ZNF680: variants seen among roughly 807,000 people sequenced by gnomAD.
The protein encoded by ZNF680 is zinc finger protein 680, also known as hypothetical protein FLJ90430.
Under a neutral mutation model 12.1 loss-of-function variants are expected in ZNF680, and 6 were observed. That is an observed-to-expected ratio of 0.49 (90% CI 0.27 to 0.98). The LOEUF (loss-of-function observed/expected upper bound fraction) is 0.98, where lower values mean the gene tolerates loss of function less well. Among genes scored for constraint, ZNF680 ranks in the 50% least tolerant of loss-of-function variants. The pLI is 0.12. For synonymous variants in ZNF680, 170 were observed against 199.3 expected (o/e 0.85, Z 1.24); for missense variants, 561 against 616.3 (o/e 0.91, Z 0.95).
rs751208780 is a variant in ZNF680, at chr7:64,521,567, T to C, written c.1187A>G (p.His396Arg). 2 of 1,613,008 alleles carry C rather than the reference T, an allele frequency of 1.2e-6. No homozygotes were observed. Among genetic ancestry groups the C allele is most frequent in the Non-Finnish European group, 1.7e-6 (2 of 1,179,780 alleles). The change falls in exon 4 of 4, where the codon CAT (histidine) becomes CGT (arginine). Residue 396 changes from histidine to arginine, a missense_variant. By Grantham distance (29) the His-to-Arg change is conservative. Coordinates refer to ENST00000309683, the MANE Select transcript of ZNF680 (RefSeq NM_178558.5). ...AFIQSSNLTEHMRIHTGEKPY... is the reference protein window; with the variant it reads ...AFIQSSNLTERMRIHTGEKPY... ...TTTCTCTCCAGTATGAATTCTCATA[T>C]GTTCAGTAAGGTTTGAGGACTGTAT...
At chr7:64,557,414 G>A (rs1015592984) in intron 1 of ZNF680, among the ~76,000 whole-genome samples, 4 of 151,396 alleles carry the variant, frequency 2.6e-5, no homozygotes, top group African/African-American at 7.3e-5. Context: ...AAGTAGCCAC[G>A]TGTGTTGGCA....
chr7:64,532,922 TGATC>T (rs1454381949), intron 3 of ZNF680, among the ~76,000 whole-genome samples: 1 of 152,178 alleles, frequency 6.6e-6, no homozygotes, highest in Non-Finnish European at 1.5e-5. Flanking sequence ...AAAACTTACA[TGATC>T]ATCTCAATAG....
chr7:64,525,406 C>T (rs1791784530), intron 3 of ZNF680: 1 of 152,024 alleles, frequency 6.6e-6, no homozygotes, highest in Non-Finnish European at 1.5e-5. Flanking sequence ...AGAAAATATT[C>T]TAACAACTAT....
intron 3 of ZNF680, among the ~76,000 whole-genome samples, chr7:64,540,255 G>A (rs753037532): frequency 7.5e-4 from 112 of 149,970 alleles, no homozygotes; most frequent in Non-Finnish European, 1.4e-3. Flanking sequence ...GTAGATAAAA[G>A]CACACACATA....
At chr7:64,536,232 T>TA (rs1230809804) in intron 3 of ZNF680, among the ~76,000 whole-genome samples, 1 of 152,158 alleles carries the variant, frequency 6.6e-6, no homozygotes, top group African/African-American at 2.4e-5. Context: ...ACAGAAAACT[T>TA]AGACATTATA....
chr7:64,526,304 AGT>A (rs1791839593), intron 3 of ZNF680: 2 of 1,171,096 alleles, frequency 1.7e-6, no homozygotes, highest in Non-Finnish European at 1.1e-6. Flanking sequence ...ATTCAAGATT[AGT>A]GTACTTTAAA....
rs139775386 is a variant in ZNF680, at chr7:64,520,994, TGTGA to T, written c.*163_*166del. ...AAAAATGCTTTCCTGTGCAATAAGA[TGTGA>T]GTATTGGTTAAGTTTTGTCACATTC... On this transcript the variant is annotated 3_prime_UTR_variant, in exon 4 of 4. Coordinates refer to ENST00000309683, the MANE Select transcript of ZNF680 (RefSeq NM_178558.5). 4,032 of 682,408 alleles carry T rather than the reference TGTGA, an allele frequency of 5.9e-3. 116 individuals carry two copies. The African/African-American group carries it at 0.062, about 10-fold the overall frequency. The allele number at this position is 682,408 out of a possible 1,614,324, so 42.3% of individuals were successfully genotyped here.
intron 3 of ZNF680, among the ~76,000 whole-genome samples, chr7:64,539,000 G>A (rs2116465521): frequency 6.6e-6 from 1 of 151,778 alleles, no homozygotes; most frequent in South Asian, 2.1e-4. Flanking sequence ...GTGTGGTGGT[G>A]GGTGCCTGTA....
intron 1 of ZNF680, among the ~76,000 whole-genome samples, chr7:64,555,867 A>C (rs1787386762): frequency 6.6e-6 from 1 of 152,020 alleles, no homozygotes; most frequent in Non-Finnish European, 1.5e-5. Flanking sequence ...GAAGTCTACT[A>C]TGAACACTTC....
chr7:64,534,845 T>C lies in ZNF680; in HGVS notation c.253+8862A>G, dbSNP rs1786073283. On this transcript the variant is annotated intron_variant, in intron 3 of 3. Coordinates refer to ENST00000309683, the MANE Select transcript of ZNF680 (RefSeq NM_178558.5). Reference sequence around the variant, plus strand: ...TCAGCCATAAGAAGGAATGAACCAATGGCATTTGCAGTGACCTGGATGAGA... The same window carrying C: ...TCAGCCATAAGAAGGAATGAACCAACGGCATTTGCAGTGACCTGGATGAGA... Among the ~76,000 whole-genome samples the C allele has an allele frequency of 1.3e-5, 2 of 152,158 alleles. 1 individual carries two copies. The highest frequency in any genetic ancestry group is 4.1e-4 in the South Asian group (2 of 4,830).
chr7:64,507,866 CACACACACACACAT>C, the ZNF680 span, among the ~76,000 whole-genome samples: 4 of 60,412 alleles, frequency 6.6e-5, no homozygotes, highest in African/African-American at 1.4e-4. Context: ...CACACACACA[CACACACACACACAT>C]TTTTTTATTT....
intron 3 of ZNF680, among the ~76,000 whole-genome samples, chr7:64,527,039 G>A (rs1271668014): frequency 1.3e-5 from 2 of 151,916 alleles, no homozygotes; most frequent in Admixed American, 1.3e-4. Flanking sequence ...GGAGTTCGAG[G>A]CCATCCTGGC....
At chr7:64,512,285 T>TA in the ZNF680 span, among the ~76,000 whole-genome samples, 638 of 145,512 alleles carry the variant, frequency 4.4e-3, 10 homozygotes, top group African/African-American at 0.014. Context: ...CCTTCTCTAC[T>TA]AAAAAAAAAA....
In ZNF680 at chr7:64,521,284, G is replaced by A; in HGVS notation, c.1470C>T (p.Tyr490=). 1.2e-6 allele frequency: 2 copies of A among 1,613,700 alleles called. No individual in the cohort carries two copies. Among genetic ancestry groups the A allele is most frequent in the South Asian group, 2.2e-5 (2 of 91,060 alleles). Residue 490 remains tyrosine (Y), a synonymous_variant, in exon 4 of 4, where the codon TAC becomes TAT. Transcript: ENST00000309683. ...AAGCTTTGCCACATTCTTCACATTT[G>A]TAGGGTTTCTCTCTAGCATGAATTC... ...HKRIHAREKP[Y]KCEECGKAFN...
intron 3 of ZNF680, among the ~76,000 whole-genome samples, chr7:64,533,301 A>C (rs1159165346): frequency 6.6e-6 from 1 of 152,226 alleles, no homozygotes. Flanking sequence ...TAGAACTGAT[A>C]AAAGAATTGA....
Position 64,520,240 on chromosome 7 carries a change from G to T in ZNF680, c.*921C>A, listed in dbSNP as rs931521972. ...CTGACACAGCAACAATTTATCACAT[G>T]CTTTCACATGTGAATACAATAGGAA... On this transcript the variant is annotated 3_prime_UTR_variant, in exon 4 of 4. Coordinates refer to ENST00000309683, the MANE Select transcript of ZNF680 (RefSeq NM_178558.5). 2.0e-5 allele frequency: 3 copies of T among 151,586 alleles called. No homozygotes were observed. Among genetic ancestry groups the T allele is most frequent in the Non-Finnish European group, 4.4e-5 (3 of 67,660 alleles). The allele number at this position is 151,586 out of a possible 1,614,324, so 9.4% of individuals were successfully genotyped here. A position where few individuals can be genotyped will look rare whatever the true frequency, so the allele number is the denominator to read the frequency against.
intron 1 of ZNF680, among the ~76,000 whole-genome samples, chr7:64,553,324 A>G (rs1207442172): frequency 2.0e-5 from 3 of 152,234 alleles, no homozygotes; most frequent in Admixed American, 6.5e-5. Context: ...AGAGAAAAAA[A>G]GTACACATAA....
chr7:64,529,838 C>A (rs550920444), intron 3 of ZNF680, among the ~76,000 whole-genome samples: 103 of 152,270 alleles, frequency 6.8e-4, no homozygotes, highest in African/African-American at 2.3e-3. Context: ...CACCTAGGCA[C>A]ACTGCCATCA....
intron 3 of ZNF680, among the ~76,000 whole-genome samples, 191 bp from the exon 4 acceptor site, chr7:64,522,691 A>G (rs537279062): frequency 4.6e-5 from 7 of 152,110 alleles, no homozygotes; most frequent in African/African-American, 1.7e-4. Context: ...GATACACACA[A>G]TGATATTTAT....
Sources: allele counts gnomAD v4.1 joint callset (sites outside exome capture counted in the v4.1 genomes callset), GRCh38; gene constraint gnomAD v4.1.1; transcripts MANE v1.5; gene names NCBI Gene and HGNC (gene_info 2026-07-23, HGNC 2026-07-21).